CBFA2T3: variants seen among roughly 807,000 people sequenced by gnomAD.
The protein encoded by CBFA2T3 is CBFA2/RUNX1 partner transcriptional co-repressor 3.
Under a neutral mutation model 58.6 loss-of-function variants are expected in CBFA2T3, and 31 were observed. That is an observed-to-expected ratio of 0.53 (90% CI 0.40 to 0.71). CBFA2T3 has a LOEUF of 0.71. CBFA2T3 is among the 30% of genes least tolerant of loss of function. CBFA2T3 has a pLI of 0.00. For missense variants in CBFA2T3, 1,076 were observed against 963.1 expected (o/e 1.12, Z -1.55); for synonymous variants, 531 against 421.9 (o/e 1.26, Z -3.17).
intron 1 of CBFA2T3, among the ~76,000 whole-genome samples, chr16:88,974,577 G>A (rs1972746443): frequency 6.6e-6 from 1 of 152,166 alleles, no homozygotes; most frequent in African/African-American, 2.4e-5. Flanking sequence ...GTACGCCTTT[G>A]GTCTAAAGAC....
At chr16:88,967,564 C>T (rs1972546311) in intron 1 of CBFA2T3, among the ~76,000 whole-genome samples, 1 of 152,162 alleles carries the variant, frequency 6.6e-6, no homozygotes, top group East Asian at 1.9e-4. Flanking sequence ...TCCCATCTCG[C>T]CGCCCCCAGG....
At chr16:88,881,214 C>T (rs113129652) in intron 9 of CBFA2T3, 77 bp downstream of exon 9, 11 of 1,302,816 alleles carry the variant, frequency 8.4e-6, no homozygotes, top group African/African-American at 5.8e-5. Flanking sequence ...CGTTGCATTG[C>T]CTGCCTGACA....
chr16:88,904,085 GGCTCATGGCCACCACCTGCGT>G (rs942493518), intron 1 of CBFA2T3, among the ~76,000 whole-genome samples: 4 of 152,178 alleles, frequency 2.6e-5, no homozygotes, highest in Admixed American at 6.5e-5. Context: ...ACCCAACAAG[GGCTCATGGCCACCACCTGCGT>G]GCTCACGGCC....
At chr16:88,957,773 C>T (rs1429011435) in intron 1 of CBFA2T3, 11 of 152,308 alleles carry the variant, frequency 7.2e-5, no homozygotes, top group South Asian at 2.1e-4. Context: ...CACAGGATCC[C>T]GCTTACACAC....
In CBFA2T3 at chr16:88,898,122, T is replaced by A. The variant is rs1365283720; in HGVS notation, c.335A>T (p.His112Leu). 5.0e-6 allele frequency: 8 copies of A among 1,613,104 alleles called. No homozygotes were observed. The highest frequency in any genetic ancestry group is 6.8e-6 in the Non-Finnish European group (8 of 1,179,700). ...HREDGPATLP[H>L]GRFHGCLKWS... ...TTTTAAGCAGCCATGAAAACGGCCG[T>A]GGGGCAGCGTCGCAGGCCCGTCCTC... is the stretch of plus-strand genomic sequence containing the variant. Residue 112 changes from histidine to leucine, a missense_variant, in exon 3 of 12, where the codon CAC becomes CTC. By Grantham distance (99) the His-to-Leu change is moderately conservative. Coordinates refer to ENST00000268679, the MANE Select transcript of CBFA2T3 (RefSeq NM_005187.6).
intron 1 of CBFA2T3, chr16:88,951,469 T>C (rs543845738): frequency 2.6e-6 from 1 of 377,470 alleles, no homozygotes; most frequent in East Asian, 7.3e-5. Context: ...AATTTTCCTA[T>C]AAGTATTTTT....
At chr16:88,956,347 G>T (rs970775135) in intron 1 of CBFA2T3, among the ~76,000 whole-genome samples, 4 of 152,224 alleles carry the variant, frequency 2.6e-5, no homozygotes, top group African/African-American at 9.6e-5. Context: ...TCACCCACCC[G>T]CCGGGTCCCC....
chr16:88,881,234 T>G (rs1969059582), intron 9 of CBFA2T3, 57 bp downstream of exon 9: 1 of 1,465,666 alleles, frequency 6.8e-7, no homozygotes, highest in Admixed American at 1.7e-5. Context: ...AGCTCCCAGG[T>G]GTCCGCCCCA....
chr16:88,954,669 AAGGCTCCTGACCCCG>A (rs1972171062), intron 1 of CBFA2T3, among the ~76,000 whole-genome samples: 2 of 41,806 alleles, frequency 4.8e-5, no homozygotes, highest in Non-Finnish European at 5.1e-5. Flanking sequence ...GACCCTACCC[AAGGCTCCTGACCCCG>A]CCCAAGGCTC....
At chr16:88,895,263 C>T (rs1027675040) in intron 3 of CBFA2T3, among the ~76,000 whole-genome samples, 1 of 152,338 alleles carries the variant, frequency 6.6e-6, no homozygotes, top group Middle Eastern at 3.4e-3. Context: ...CTAAGTGTCC[C>T]TCCAGTAACC....
chr16:88,931,259 C>T (rs1309939530), intron 1 of CBFA2T3, among the ~76,000 whole-genome samples: 1 of 152,096 alleles, frequency 6.6e-6, no homozygotes, highest in Non-Finnish European at 1.5e-5. Context: ...ACTGCTGTGA[C>T]TCCAGCCCTG....
At chr16:88,911,385 G>A (rs1009699969) in intron 1 of CBFA2T3, among the ~76,000 whole-genome samples, 1 of 152,232 alleles carries the variant, frequency 6.6e-6, no homozygotes, top group Non-Finnish European at 1.5e-5. Flanking sequence ...ATGAGTCTCT[G>A]GCTCCCCTTG....
chr16:88,951,062 G>A, intron 1 of CBFA2T3: 1 of 386,398 alleles, frequency 2.6e-6, no homozygotes, highest in East Asian at 7.6e-5. Context: ...CTGTCTTCCG[G>A]ATCTGTTCAC....
At chr16:88,961,962 C>T (rs1972372522) in intron 1 of CBFA2T3, among the ~76,000 whole-genome samples, 1 of 150,444 alleles carries the variant, frequency 6.6e-6, no homozygotes, top group South Asian at 2.1e-4. Context: ...CTGGGCATTC[C>T]CACTGCATAG....
chr16:88,924,214 T>A (rs1475648371), intron 1 of CBFA2T3, among the ~76,000 whole-genome samples: 3 of 152,134 alleles, frequency 2.0e-5, no homozygotes, highest in Admixed American at 6.5e-5. Context: ...CCAGTGAGCC[T>A]GAGTGAAGAT....
In CBFA2T3 at chr16:88,976,535, C is replaced by T. The variant is rs1972865624; in HGVS notation, c.151+122G>A. 12 of 721,324 alleles carry T rather than the reference C, an allele frequency of 1.7e-5. No homozygotes were observed. The South Asian group carries it at 1.8e-4, about 11-fold the overall frequency. The allele number at this position is 721,324 out of a possible 1,614,324, so 44.7% of individuals were successfully genotyped here. ...TGATATCTGAGGTGAGTCAACACGG[C>T]CATCCGTGCCGGCACTGTCAACTAA... On this transcript the variant is annotated intron_variant, in intron 1 of 11. Transcript: ENST00000268679.
intron 1 of CBFA2T3, among the ~76,000 whole-genome samples, chr16:88,969,429 C>T (rs1241539339): frequency 1.3e-5 from 2 of 152,232 alleles, no homozygotes; most frequent in Non-Finnish European, 2.9e-5. Context: ...CTGCGGGGGT[C>T]GCAAGAGCGG....
At chr16:88,970,287 C>T (rs1276793595) in intron 1 of CBFA2T3, among the ~76,000 whole-genome samples, 1 of 152,194 alleles carries the variant, frequency 6.6e-6, no homozygotes, top group Non-Finnish European at 1.5e-5. Flanking sequence ...CAGGCAGCAC[C>T]TGCGTGGGGC....
In CBFA2T3 at chr16:88,884,341, TG is replaced by T. The variant is rs546713559; in HGVS notation, c.1117+704del. The T allele has an allele frequency of 4.4e-3, 675 of 152,304 alleles. 2 individuals are homozygous for T. The highest frequency in any genetic ancestry group is 0.015 in the African/African-American group (632 of 41,470). 9.4% of individuals were successfully genotyped at this position (152,304 alleles called of 1,614,324 possible). A position where few individuals can be genotyped will look rare whatever the true frequency, so the allele number is the denominator to read the frequency against. On this transcript the variant is annotated intron_variant, in intron 7 of 11. Transcript: ENST00000268679. ...CTGGAGGCCTCCCTGCAGCCTGTCC[TG>T]GGGGGGCTCCTGGGGTGGGGCTGGG...
Sources: gnomAD v4.1 joint callset for allele counts (sites outside exome capture counted in the v4.1 genomes callset) on GRCh38, gnomAD v4.1.1 for gene constraint, MANE v1.5 for transcripts, NCBI Gene and HGNC (gene_info 2026-07-23, HGNC 2026-07-21) for gene names.